RBFOX1: variants seen among roughly 807,000 people sequenced by gnomAD.
The protein encoded by RBFOX1 is RNA binding fox-1 homolog 1, also known as RNA binding protein fox-1 homolog 1.
In RBFOX1, 8 loss-of-function variants were observed where a neutral mutation model predicts 57.7. The ratio of observed to expected loss-of-function variants is 0.14; its 90% CI spans 0.08 to 0.25. The LOEUF is 0.25. RBFOX1 is among the 10% of genes least tolerant of loss of function. The pLI is 1.00. For synonymous variants in RBFOX1, 326 were observed against 222.4 expected, an observed-to-expected ratio of 1.47 and a Z score of -4.15; for missense variants, 611 against 548.5, an observed-to-expected ratio of 1.11 and a Z score of -1.14.
At chr16:5,328,015 G>A (rs1036082740) in intron 1 of RBFOX1, among the ~76,000 whole-genome samples, 1 of 152,302 alleles carries the variant, frequency 6.6e-6, no homozygotes, top group East Asian at 1.9e-4. Context: ...AAGACCCCGT[G>A]TAGTGACTGA....
chr16:6,734,225 T>C (rs1397813921), intron 3 of RBFOX1, among the ~76,000 whole-genome samples: 3 of 152,168 alleles, frequency 2.0e-5, no homozygotes, highest in Non-Finnish European at 4.4e-5. Flanking sequence ...GTCTGACCCC[T>C]CTGTCCAACT....
intron 5 of RBFOX1, among the ~76,000 whole-genome samples, chr16:7,558,676 A>T (rs2089484962): frequency 6.6e-6 from 1 of 151,120 alleles, no homozygotes; most frequent in Non-Finnish European, 1.5e-5. Context: ...GTATCAACAA[A>T]CTTCAACAGT....
intron 1 of RBFOX1, among the ~76,000 whole-genome samples, chr16:5,436,034 A>G (rs1009659852): frequency 2.0e-5 from 3 of 152,222 alleles, no homozygotes; most frequent in South Asian, 4.1e-4. Flanking sequence ...ATTGAAGTCT[A>G]AGGTGAGATA....
intron 3 of RBFOX1, among the ~76,000 whole-genome samples, chr16:6,991,690 C>T (rs1280327597): frequency 2.0e-5 from 3 of 152,114 alleles, no homozygotes; most frequent in Non-Finnish European, 4.4e-5. Flanking sequence ...GCTTGTGCTG[C>T]CATTCCTGCC....
chr16:7,034,383 T>C (rs984462394), intron 3 of RBFOX1, among the ~76,000 whole-genome samples: 1 of 151,924 alleles, frequency 6.6e-6, no homozygotes, highest in Non-Finnish European at 1.5e-5. Context: ...GGGGCTGAGG[T>C]TGGAGATCAT....
At chr16:5,594,354 A>G (rs1300409846) in intron 2 of RBFOX1, among the ~76,000 whole-genome samples, 1 of 152,178 alleles carries the variant, frequency 6.6e-6, no homozygotes, top group East Asian at 1.9e-4. Context: ...AAAATCTGAG[A>G]CACAGGTCTC....
At chr16:7,218,882 A>G (rs959095535) in intron 4 of RBFOX1, among the ~76,000 whole-genome samples, 10 of 152,098 alleles carry the variant, frequency 6.6e-5, no homozygotes, top group African/African-American at 2.2e-4. Context: ...GCCTCGATGC[A>G]TCGCATGCAG....
intron 1 of RBFOX1, among the ~76,000 whole-genome samples, chr16:6,234,992 T>C (rs943550602): frequency 1.3e-5 from 2 of 152,178 alleles, no homozygotes; most frequent in Admixed American, 6.5e-5. Context: ...GCAGATTCCT[T>C]TGAGCCTGTA....
At chr16:7,067,350 C>T (rs1247365281) in intron 4 of RBFOX1, among the ~76,000 whole-genome samples, 1 of 151,894 alleles carries the variant, frequency 6.6e-6, no homozygotes, top group South Asian at 2.1e-4. Flanking sequence ...TACTATTCTG[C>T]AGTTCTTTAG....
intron 3 of RBFOX1, among the ~76,000 whole-genome samples, chr16:5,657,676 T>TTTTCTTTTC (rs2049488095): frequency 7.7e-5 from 5 of 64,900 alleles, no homozygotes; most frequent in Admixed American, 1.5e-4. Flanking sequence ...CTTTCTTTTC[T>TTTTCTTTTC]TTTCTTTCTT....
intron 3 of RBFOX1, among the ~76,000 whole-genome samples, chr16:6,959,005 A>C (rs1216434176): frequency 6.6e-6 from 1 of 152,232 alleles, no homozygotes; most frequent in Non-Finnish European, 1.5e-5. Flanking sequence ...TATAAGGAGA[A>C]TATTAATCAT....
At chr16:5,312,507 G>T (rs1394356135) in intron 1 of RBFOX1, among the ~76,000 whole-genome samples, 2 of 152,014 alleles carry the variant, frequency 1.3e-5, no homozygotes, top group East Asian at 3.9e-4. Context: ...AGTAGAGACG[G>T]GGTTTCACCA....
chr16:5,260,515 G>T (rs2062707386), intron 1 of RBFOX1, among the ~76,000 whole-genome samples: 1 of 152,218 alleles, frequency 6.6e-6, no homozygotes, highest in South Asian at 2.1e-4. Context: ...TCAGATAAAT[G>T]TAGTTTTTTC....
chr16:5,819,008 G>C (rs1051410433), intron 3 of RBFOX1, among the ~76,000 whole-genome samples: 1 of 152,056 alleles, frequency 6.6e-6, no homozygotes, highest in Non-Finnish European at 1.5e-5. Flanking sequence ...CTCCTCCTCT[G>C]CTCCATTTCC....
chr16:6,395,993 G>A (rs900989432), intron 2 of RBFOX1, among the ~76,000 whole-genome samples: 1 of 149,802 alleles, frequency 6.7e-6, no homozygotes, highest in African/African-American at 2.5e-5. Flanking sequence ...TTGAATCCGG[G>A]AGGTGGAAGT....
chr16:6,923,655 A>G (rs1483674855), intron 3 of RBFOX1, among the ~76,000 whole-genome samples: 2 of 152,186 alleles, frequency 1.3e-5, no homozygotes, highest in Non-Finnish European at 2.9e-5. Flanking sequence ...GATGCATCAG[A>G]TATACCCACA....
chr16:7,277,592 A>G (rs2095465670), intron 4 of RBFOX1, among the ~76,000 whole-genome samples: 1 of 152,130 alleles, frequency 6.6e-6, no homozygotes, highest in African/African-American at 2.4e-5. Flanking sequence ...CATAAAATAC[A>G]GGTATTTAAG....
intron 3 of RBFOX1, among the ~76,000 whole-genome samples, chr16:5,828,592 G>A (rs769142838): frequency 5.9e-5 from 9 of 151,936 alleles, no homozygotes; most frequent in Admixed American, 2.0e-4. Flanking sequence ...CCAGCTACTC[G>A]GGAGGCCGAG....
At chr16:6,913,847 T>C (rs1466760621) in intron 3 of RBFOX1, among the ~76,000 whole-genome samples, 2 of 152,204 alleles carry the variant, frequency 1.3e-5, no homozygotes, top group African/African-American at 2.4e-5. Context: ...GGCGTAATTG[T>C]ATTTTCAGGG....
Sources: allele counts gnomAD v4.1 joint callset (sites outside exome capture counted in the v4.1 genomes callset), GRCh38; gene constraint gnomAD v4.1.1; transcripts MANE v1.5; gene names NCBI Gene and HGNC (gene_info 2026-07-23, HGNC 2026-07-21).